Variants in NIBAN1 observed in about 807,000 individuals in gnomAD.
NIBAN1 encodes the protein niban apoptosis regulator 1, also known as protein Niban 1.
In NIBAN1, 81 loss-of-function variants were observed where a neutral mutation model predicts 75.1. The observed-to-expected ratio is 1.08, with a 90% CI of 0.90 to 1.30. The LOEUF (loss-of-function observed/expected upper bound fraction) is 1.30, where lower values mean the gene tolerates loss of function less well. NIBAN1 is among the 50% of genes most tolerant of loss of function. The pLI, the probability that NIBAN1 is intolerant of heterozygous loss-of-function variation, is 0.00. For synonymous variants in NIBAN1, 436 were observed against 424.8 expected, an observed-to-expected ratio of 1.03 and a Z score of -0.32; for missense variants, 1,133 against 1,128.1, an observed-to-expected ratio of 1.00 and a Z score of -0.06.
At chr1:184,898,784 G>A (rs188380481) in intron 2 of NIBAN1, among the ~76,000 whole-genome samples, 12 of 152,268 alleles carry the variant, frequency 7.9e-5, no homozygotes, top group African/African-American at 2.4e-4. Flanking sequence ...GCACATAGTA[G>A]GTGCTAACAA....
rs749493919 is a variant in NIBAN1, at chr1:184,795,325, C to G, written c.2439G>C (p.Gly813=). 1 of 1,611,268 alleles carries G rather than the reference C, an allele frequency of 6.2e-7. No homozygotes were observed. The highest frequency in any genetic ancestry group is 1.1e-5 in the South Asian group (1 of 91,052). ...GTGTGCAGGCCTCTCCTGGGAGCTC[C>G]CCCTCCATGGGCCCCAGGGGCTCCT... is the stretch of plus-strand genomic sequence containing the variant. ...LTEEPLGPME[G]ELPGEACTLT... is the part of the protein sequence containing the mutation. Residue 813 remains glycine (G), a synonymous_variant, in exon 14 of 14, where the codon GGG becomes GGC. Transcript: ENST00000367511.
chr1:184,901,738 C>T (rs111252378), intron 1 of NIBAN1, among the ~76,000 whole-genome samples: 65 of 152,316 alleles, frequency 4.3e-4, no homozygotes, highest in African/African-American at 1.5e-3. Context: ...ATCACCAAGC[C>T]TCCCCAGGGA....
At chr1:184,809,643 A>ATC (rs1654316929) in intron 9 of NIBAN1, among the ~76,000 whole-genome samples, 1 of 144,696 alleles carries the variant, frequency 6.9e-6, no homozygotes, top group Non-Finnish European at 1.5e-5. Flanking sequence ...GTGTGTGTGT[A>ATC]TATATATATA....
intron 1 of NIBAN1, among the ~76,000 whole-genome samples, chr1:184,915,301 C>T (rs1453204787): frequency 1.3e-5 from 2 of 152,132 alleles, no homozygotes; most frequent in Non-Finnish European, 2.9e-5. Context: ...ACGATGAGGC[C>T]AGTTTGTTAT....
intron 5 of NIBAN1, among the ~76,000 whole-genome samples, chr1:184,884,201 C>T (rs1015525645): frequency 1.3e-5 from 2 of 149,938 alleles, no homozygotes; most frequent in Non-Finnish European, 3.0e-5. Context: ...CCCTGGGCAG[C>T]ACCATCTGTG....
At chr1:184,878,155 C>T (rs942425737) in intron 5 of NIBAN1, among the ~76,000 whole-genome samples, 1 of 152,148 alleles carries the variant, frequency 6.6e-6, no homozygotes, top group Admixed American at 6.5e-5. Context: ...CTTTAGACAA[C>T]AGTGAACCCA....
At chr1:184,831,010 A>AAAT (rs1224148411) in intron 6 of NIBAN1, among the ~76,000 whole-genome samples, 1 of 151,552 alleles carries the variant, frequency 6.6e-6, no homozygotes, top group East Asian at 1.9e-4. Context: ...AAAAAAAAAA[A>AAAT]ATAGCATTCT....
chr1:184,893,982 T>C (rs1656735075), intron 3 of NIBAN1, 93 bp downstream of exon 3: 5 of 1,326,560 alleles, frequency 3.8e-6, no homozygotes, highest in Non-Finnish European at 5.1e-6. Flanking sequence ...ATTTTGTTAG[T>C]ATAGCCTTGT....
intron 4 of NIBAN1, among the ~76,000 whole-genome samples, chr1:184,889,884 T>A (rs954102929): frequency 3.9e-5 from 6 of 152,240 alleles, no homozygotes; most frequent in African/African-American, 1.4e-4. Context: ...TAACTCTTCC[T>A]TGTTAGGGTC....
intron 9 of NIBAN1, 109 bp from the exon 10 acceptor site, chr1:184,808,344 T>G (rs1024450135): frequency 3.6e-6 from 4 of 1,116,474 alleles, no homozygotes; most frequent in Non-Finnish European, 5.1e-6. Context: ...GTTGTTAAAG[T>G]GAATCACTAC....
In NIBAN1 at chr1:184,795,593, A is replaced by G. The variant is rs373614339; in HGVS notation, c.2171T>C (p.Val724Ala). 38 of 1,614,058 alleles carry G rather than the reference A, an allele frequency of 2.4e-5. No homozygotes were observed. The East Asian group carries it at 3.1e-4, about 13-fold the overall frequency. ...KLLTASVEVP[V>A]DSAPVMEEDT... ...TTCTTCCATCACTGGAGCAGAGTCC[A>G]CTGGTACTTCCACGGACGCTGTCAG... is the stretch of plus-strand genomic sequence containing the variant. The change falls in exon 14 of 14, where the codon GTG (valine) becomes GCG (alanine). Residue 724 changes from valine to alanine, a missense_variant. Transcript: ENST00000367511.
chr1:184,884,417 G>A (rs752768124), intron 5 of NIBAN1, among the ~76,000 whole-genome samples: 10 of 151,858 alleles, frequency 6.6e-5, no homozygotes, highest in Non-Finnish European at 1.2e-4. Flanking sequence ...AGTAGAGATG[G>A]GATTTCACCA....
chr1:184,955,264 G>T (rs1658453733), intron 1 of NIBAN1, among the ~76,000 whole-genome samples: 1 of 150,112 alleles, frequency 6.7e-6, no homozygotes, highest in South Asian at 2.1e-4. Flanking sequence ...AATGGCTGCT[G>T]CAATGGACAA....
chr1:184,835,442 C>A (rs922489224), intron 5 of NIBAN1, among the ~76,000 whole-genome samples: 40 of 152,156 alleles, frequency 2.6e-4, no homozygotes, highest in African/African-American at 9.4e-4. Flanking sequence ...GGCAGTAGGC[C>A]ATTTTCATGA....
At chr1:184,812,212 G>A (rs1435986936) in intron 9 of NIBAN1, among the ~76,000 whole-genome samples, 1 of 152,128 alleles carries the variant, frequency 6.6e-6, no homozygotes, top group African/African-American at 2.4e-5. Flanking sequence ...GAGACCACAA[G>A]TTGAAACTCC....
At position 184,884,286 on chromosome 1, in the gene NIBAN1, C is replaced by T. The variant is rs185047497; in HGVS notation, c.601+347G>A. On this transcript the variant is annotated intron_variant, in intron 5 of 13. Transcript: ENST00000367511. ...TCATCTGGGCTGGAGTGCAGTGGCG[C>T]GATCTCGGCTCACCACAGCCTCTGC... is the stretch of plus-strand genomic sequence containing the variant. Among the ~76,000 whole-genome samples the T allele has an allele frequency of 1.2e-3, 161 of 139,896 alleles. 1 individual carries two copies. Among genetic ancestry groups the T allele is most frequent in the African/African-American group, 4.1e-3 (149 of 36,780 alleles). 91.8% of individuals were successfully genotyped at this position (139,896 alleles called of 152,430 possible). A position where few individuals can be genotyped will look rare whatever the true frequency, so the allele number is the denominator to read the frequency against.
intron 1 of NIBAN1, among the ~76,000 whole-genome samples, chr1:184,959,783 C>G (rs551086070): frequency 6.6e-6 from 1 of 152,226 alleles, no homozygotes; most frequent in Non-Finnish European, 1.5e-5. Context: ...AAGACTCTAA[C>G]TCATATCTAT....
In NIBAN1 at chr1:184,937,332, T is replaced by C. The variant is rs1571588322; in HGVS notation, c.55+36970A>G. Among the ~76,000 whole-genome samples, 4 of 152,030 alleles carry C rather than the reference T, an allele frequency of 2.6e-5. No homozygotes were observed. In the East Asian group the frequency reaches 7.7e-4, roughly 29 times the overall value. On this transcript the variant is annotated intron_variant, in intron 1 of 13. Transcript: ENST00000367511. Reference sequence around the variant, plus strand: ...GTGTGCCATTGTGCCTGGCCCTTAGTAGCTAATCCTAAAATCACTCTTAAG... The same window carrying C: ...GTGTGCCATTGTGCCTGGCCCTTAGCAGCTAATCCTAAAATCACTCTTAAG...
rs535401031 is a variant in NIBAN1, at chr1:184,963,193, T to C, written c.55+11109A>G. 1.1e-4 allele frequency among the ~76,000 whole-genome samples: 16 copies of C among 152,276 alleles called. No homozygotes were observed. The South Asian group carries it at 2.7e-3, about 26-fold the overall frequency. ...AATATTTTAAATATTGAAATTCTAATGACCACATTAAAATATTATTAGAAA... is the reference window on the plus strand; with the variant it reads ...AATATTTTAAATATTGAAATTCTAACGACCACATTAAAATATTATTAGAAA... On this transcript the variant is annotated intron_variant, in intron 1 of 13. Transcript: ENST00000367511.
Sources: gnomAD v4.1 joint callset for allele counts (sites outside exome capture counted in the v4.1 genomes callset) on GRCh38, gnomAD v4.1.1 for gene constraint, MANE v1.5 for transcripts, NCBI Gene and HGNC (gene_info 2026-07-23, HGNC 2026-07-21) for gene names.